Variants in BLTP1 observed in about 807,000 individuals in gnomAD.
BLTP1 encodes the protein fragile site-associated protein.
At chr4:122,182,591 G>A in the BLTP1 span, 8 of 947,686 alleles carry the variant, frequency 8.4e-6, no homozygotes, top group Non-Finnish European at 1.0e-5. Context: ...TGCTCCTTGA[G>A]GAATAAGGCA....
At chr4:122,278,912 G>T in the BLTP1 span, among the ~76,000 whole-genome samples, 1 of 152,298 alleles carries the variant, frequency 6.6e-6, no homozygotes, top group East Asian at 1.9e-4. Flanking sequence ...TTACAGGTGG[G>T]AGCCACCATG....
At chr4:122,311,698 G>A in the BLTP1 span, among the ~76,000 whole-genome samples, 9 of 152,124 alleles carry the variant, frequency 5.9e-5, no homozygotes, top group Non-Finnish European at 1.0e-4. Flanking sequence ...TTCAAAGAAC[G>A]ATTTAAGTAG....
At chr4:122,207,017 A>C in the BLTP1 span, 4 of 1,213,910 alleles carry the variant, frequency 3.3e-6, no homozygotes, top group East Asian at 9.8e-5. Flanking sequence ...CAAAAGAAAA[A>C]TTCATTTTTG....
chr4:122,184,161 A>T, the BLTP1 span, among the ~76,000 whole-genome samples: 2 of 152,304 alleles, frequency 1.3e-5, no homozygotes, highest in East Asian at 3.9e-4. Context: ...TAGACTTTAT[A>T]AATGAAATCA....
chr4:122,351,837 T>C, the BLTP1 span, among the ~76,000 whole-genome samples: 1 of 152,338 alleles, frequency 6.6e-6, no homozygotes, highest in Admixed American at 6.5e-5. Context: ...GCTTAGGGAA[T>C]TGTTTAAAGG....
At chr4:122,321,306 C>A in the BLTP1 span, among the ~76,000 whole-genome samples, 1 of 151,950 alleles carries the variant, frequency 6.6e-6, no homozygotes, top group Non-Finnish European at 1.5e-5. Context: ...AGTGGGAGTA[C>A]CTTAAAACAA....
the BLTP1 span, among the ~76,000 whole-genome samples, chr4:122,156,957 T>C: frequency 0.036 from 5,463 of 152,236 alleles, 346 homozygotes; most frequent in African/African-American, 0.12. Flanking sequence ...CTACAAAGTT[T>C]ATGCAGGAGA....
At chr4:122,209,004 A>AT in the BLTP1 span, 5 of 546,084 alleles carry the variant, frequency 9.2e-6, no homozygotes, top group Non-Finnish European at 1.2e-5. Context: ...AAAAAAAAAA[A>AT]GATAAATAAT....
chr4:122,331,640 A>G, the BLTP1 span: 1 of 1,458,546 alleles, frequency 6.9e-7, no homozygotes, highest in Non-Finnish European at 9.0e-7. Flanking sequence ...CCCAAAATGC[A>G]GATTTGAAGT....
At chr4:122,262,932 A>C in the BLTP1 span, 1 of 1,614,038 alleles carries the variant, frequency 6.2e-7, no homozygotes, top group Non-Finnish European at 8.5e-7. Flanking sequence ...CCTGGAAGGT[A>C]CTCCTCAGAG....
chr4:122,214,593 A>ATT, the BLTP1 span: 77 of 344,800 alleles, frequency 2.2e-4, no homozygotes, highest in East Asian at 6.1e-4. Flanking sequence ...TTTGGTAACT[A>ATT]TTTTTTTTTT....
At chr4:122,316,616 T>G in the BLTP1 span, 1 of 1,364,998 alleles carries the variant, frequency 7.3e-7, no homozygotes, top group Non-Finnish European at 1.0e-6. Context: ...ATTCCAACCT[T>G]AATATAGATG....
the BLTP1 span, chr4:122,309,527 T>C: frequency 6.7e-7 from 1 of 1,493,196 alleles, no homozygotes; most frequent in Non-Finnish European, 9.1e-7. Flanking sequence ...AAGTCTCCAT[T>C]TGTGAAATTA....
chr4:122,286,451 A>C, the BLTP1 span: 1 of 1,563,042 alleles, frequency 6.4e-7, no homozygotes. Context: ...ATATCCATGC[A>C]TTTTTCTTAG....
At chr4:122,203,704 T>C in the BLTP1 span, 1 of 207,414 alleles carries the variant, frequency 4.8e-6, no homozygotes, top group East Asian at 1.8e-4. Flanking sequence ...TAATTTTTAA[T>C]ATTTATCAGT....
chr4:122,210,993 C>T, the BLTP1 span: 1 of 1,612,622 alleles, frequency 6.2e-7, no homozygotes, highest in Non-Finnish European at 8.5e-7. Context: ...CTATTGATCC[C>T]TCAGAACTTC....
At chr4:122,167,930 A>G in the BLTP1 span, 107 of 975,008 alleles carry the variant, frequency 1.1e-4, no homozygotes, top group Middle Eastern at 1.6e-3. Context: ...ATAGATTACC[A>G]TAAGTCTCCA....
At chr4:122,344,532 A>G in the BLTP1 span, 1 of 1,611,442 alleles carries the variant, frequency 6.2e-7, no homozygotes, top group Non-Finnish European at 8.5e-7. Flanking sequence ...TCTGCAAGCA[A>G]AATGGATACT....
At chr4:122,258,635 A>G in the BLTP1 span, 1 of 1,529,852 alleles carries the variant, frequency 6.5e-7, no homozygotes, top group Non-Finnish European at 8.8e-7. Context: ...CTAGAAACAT[A>G]GGGGCTGATG....
Sources: allele counts gnomAD v4.1 joint callset (sites outside exome capture counted in the v4.1 genomes callset), GRCh38; gene constraint gnomAD v4.1.1; transcripts MANE v1.5; gene names NCBI Gene and HGNC (gene_info 2026-07-23, HGNC 2026-07-21).